Variants in SLC38A12 observed in about 807,000 individuals in gnomAD.
The protein encoded by SLC38A12 is solute carrier family 38 member 12, also known as putative sodium-coupled neutral amino acid transporter 12.
At chr17:74,800,242 C>G in the SLC38A12 span, among the ~76,000 whole-genome samples, 1 of 152,228 alleles carries the variant, frequency 6.6e-6, no homozygotes, top group African/African-American at 2.4e-5. Flanking sequence ...CCCTGGAAGC[C>G]TGACATTTTC....
At chr17:74,839,228 G>T in the SLC38A12 span, 1 of 1,441,730 alleles carries the variant, frequency 6.9e-7, no homozygotes, top group Non-Finnish European at 9.2e-7. Context: ...GGTGGAGGTG[G>T]GCAGTGGCAC....
chr17:74,801,849 TTCTTG>T, the SLC38A12 span, among the ~76,000 whole-genome samples: 3 of 152,160 alleles, frequency 2.0e-5, no homozygotes, highest in African/African-American at 7.2e-5. Flanking sequence ...CAGGAATGGC[TTCTTG>T]TCTTCCGTGT....
chr17:74,807,924 T>G, the SLC38A12 span, among the ~76,000 whole-genome samples: 1 of 152,298 alleles, frequency 6.6e-6, no homozygotes, highest in Non-Finnish European at 1.5e-5. Flanking sequence ...GGTGCTAGAT[T>G]CCGTGGTCCT....
chr17:74,789,413 G>A, the SLC38A12 span, among the ~76,000 whole-genome samples: 108 of 151,864 alleles, frequency 7.1e-4, no homozygotes, highest in African/African-American at 2.5e-3. Flanking sequence ...GCCTGTAATC[G>A]CAGCTACTCA....
chr17:74,789,907 G>T, the SLC38A12 span, among the ~76,000 whole-genome samples: 2 of 148,294 alleles, frequency 1.3e-5, no homozygotes, highest in Non-Finnish European at 3.0e-5. Context: ...TTTCTGTAGA[G>T]TTCCATGCTC....
the SLC38A12 span, among the ~76,000 whole-genome samples, chr17:74,781,189 A>G: frequency 6.6e-6 from 1 of 152,252 alleles, no homozygotes; most frequent in Non-Finnish European, 1.5e-5. Context: ...ACCCTGATCC[A>G]CAAGAGACCT....
At chr17:74,823,826 TC>T in the SLC38A12 span, among the ~76,000 whole-genome samples, 1 of 152,200 alleles carries the variant, frequency 6.6e-6, no homozygotes, top group Non-Finnish European at 1.5e-5. Flanking sequence ...CTTGCCTTGT[TC>T]CCCCCGTGTG....
At chr17:74,828,035 G>A in the SLC38A12 span, among the ~76,000 whole-genome samples, 1 of 152,240 alleles carries the variant, frequency 6.6e-6, no homozygotes, top group Non-Finnish European at 1.5e-5. Flanking sequence ...GCCGGTGCCT[G>A]AGCTGGTGAT....
chr17:74,809,894 C>T, the SLC38A12 span, among the ~76,000 whole-genome samples: 1 of 152,208 alleles, frequency 6.6e-6, no homozygotes, highest in Non-Finnish European at 1.5e-5. Context: ...CCAGTCTGTA[C>T]CTGTACCGAG....
At chr17:74,795,585 C>T in the SLC38A12 span, 170 of 1,613,946 alleles carry the variant, frequency 1.1e-4, no homozygotes, top group Non-Finnish European at 3.8e-5. Context: ...TGACACTGAC[C>T]GGTGCTGGGG....
At chr17:74,797,946 G>A in the SLC38A12 span, among the ~76,000 whole-genome samples, 2 of 152,188 alleles carry the variant, frequency 1.3e-5, no homozygotes, top group East Asian at 3.9e-4. Context: ...CTTCCCCGCT[G>A]CCCCCTGGTC....
the SLC38A12 span, among the ~76,000 whole-genome samples, chr17:74,815,009 C>T: frequency 1.3e-5 from 2 of 152,138 alleles, no homozygotes; most frequent in African/African-American, 4.8e-5. Flanking sequence ...CAGAAGGTCA[C>T]AGGGGAAGAT....
At chr17:74,814,392 A>G in the SLC38A12 span, among the ~76,000 whole-genome samples, 1 of 151,906 alleles carries the variant, frequency 6.6e-6, no homozygotes. Flanking sequence ...GATGCTGGTG[A>G]TAGTGGGGAG....
At chr17:74,801,637 G>T in the SLC38A12 span, among the ~76,000 whole-genome samples, 2 of 152,168 alleles carry the variant, frequency 1.3e-5, no homozygotes, top group Admixed American at 6.5e-5. Context: ...GTGCGTGCCC[G>T]TACCCGCCAC....
the SLC38A12 span, among the ~76,000 whole-genome samples, chr17:74,796,175 G>T: frequency 6.6e-6 from 1 of 152,038 alleles, no homozygotes; most frequent in Non-Finnish European, 1.5e-5. Flanking sequence ...TGCCGTTGGT[G>T]GGGGGCAGGG....
chr17:74,836,759 A>G, the SLC38A12 span: 4 of 1,508,176 alleles, frequency 2.7e-6, no homozygotes, highest in South Asian at 4.0e-5. This position sits in a 1 kb window ranked among gnomAD's most constrained non-coding sequence, Gnocchi z 4.2. Flanking sequence ...CAGAGCCCAG[A>G]TTTAGTTGCT....
chr17:74,835,885 G>A, the SLC38A12 span: 35 of 1,560,216 alleles, frequency 2.2e-5, no homozygotes, highest in East Asian at 2.3e-4. Context: ...AGGTAGGGCC[G>A]TGCCTGTCCC....
the SLC38A12 span, chr17:74,777,521 G>C: frequency 1.3e-6 from 2 of 1,537,174 alleles, no homozygotes; most frequent in South Asian, 1.2e-5. Flanking sequence ...ATGGGGCAGC[G>C]ACTACAGTGC....
chr17:74,784,885 G>A, the SLC38A12 span, among the ~76,000 whole-genome samples: 1 of 152,144 alleles, frequency 6.6e-6, no homozygotes, highest in Admixed American at 6.5e-5. Flanking sequence ...ACAACCTTGT[G>A]AATATTACTA....
Sources: allele counts gnomAD v4.1 joint callset (sites outside exome capture counted in the v4.1 genomes callset), GRCh38; gene constraint gnomAD v4.1.1; non-coding constraint Gnocchi (gnomAD v3.1); transcripts MANE v1.5; gene names NCBI Gene and HGNC (gene_info 2026-07-23, HGNC 2026-07-21).